The following UBASH3B variants were observed in gnomAD, a reference collection of about 807,000 sequenced individuals.
UBASH3B encodes the protein ubiquitin-associated and SH3 domain-containing protein B.
A neutral mutation model predicts 83.4 loss-of-function variants in UBASH3B; 37 were observed. The ratio of observed to expected loss-of-function variants is 0.44; its 90% confidence interval spans 0.34 to 0.58. The LOEUF is 0.58. Among genes scored for constraint, UBASH3B ranks in the 20% least tolerant of loss-of-function variants. The pLI is 0.01. For missense variants in UBASH3B, 657 were observed against 827.2 expected (o/e 0.79, Z 2.52); for synonymous variants, 304 against 318.3 (o/e 0.96, Z 0.48).
chr11:122,704,105 C>T (rs1401561640), intron 1 of UBASH3B, among the ~76,000 whole-genome samples: 1 of 152,176 alleles, frequency 6.6e-6, no homozygotes, highest in Non-Finnish European at 1.5e-5. Flanking sequence ...CCAAAGGCAG[C>T]AAGTGCTTTA....
intron 1 of UBASH3B, among the ~76,000 whole-genome samples, chr11:122,686,660 C>T (rs1209959129): frequency 6.6e-6 from 1 of 152,012 alleles, no homozygotes; most frequent in Non-Finnish European, 1.5e-5. Flanking sequence ...CGTGTGCAGG[C>T]GTTTGGGAGG....
At chr11:122,723,067 A>G (rs1860669496) in intron 1 of UBASH3B, among the ~76,000 whole-genome samples, 1 of 152,122 alleles carries the variant, frequency 6.6e-6, no homozygotes, top group Non-Finnish European at 1.5e-5. Flanking sequence ...AGAGCTTTAG[A>G]GTTGTGGTTA....
chr11:122,682,165 C>T (rs999516596), intron 1 of UBASH3B, among the ~76,000 whole-genome samples: 1 of 152,216 alleles, frequency 6.6e-6, no homozygotes, highest in African/African-American at 2.4e-5. Flanking sequence ...CCTGCCGACG[C>T]ACCATGAGGC....
Position 122,809,599 on chromosome 11 carries a change from C to T in UBASH3B, c.1813-150C>T, listed in dbSNP as rs1861403104. The T allele has an allele frequency of 9.6e-6, 7 of 725,598 alleles. No individual in the cohort carries two copies. Among genetic ancestry groups the T allele is most frequent in the Non-Finnish European group, 8.9e-6 (4 of 450,996 alleles). 44.9% of individuals were successfully genotyped at this position (725,598 alleles called of 1,614,324 possible). A position where few individuals can be genotyped will look rare whatever the true frequency, so the allele number is the denominator to read the frequency against. ...GTTTTACCCATTTTATTTTATTTAT[C>T]GATTTTTGAAGGGAATGCATTTCTA... On this transcript the variant is annotated intron_variant, in intron 13 of 13. Transcript: ENST00000284273.
At chr11:122,674,575 G>A (rs1379057624) in intron 1 of UBASH3B, among the ~76,000 whole-genome samples, 1 of 151,882 alleles carries the variant, frequency 6.6e-6, no homozygotes, top group Non-Finnish European at 1.5e-5. Context: ...TAGAGACAGG[G>A]TTTCACCATG....
chr11:122,771,606 C>T (rs767338245), intron 1 of UBASH3B, among the ~76,000 whole-genome samples: 21 of 152,158 alleles, frequency 1.4e-4, no homozygotes, highest in Non-Finnish European at 2.6e-4. Flanking sequence ...TAAACTTTCT[C>T]AGCCCACAAC....
chr11:122,727,068 C>G (rs1474436867), intron 1 of UBASH3B, among the ~76,000 whole-genome samples: 1 of 152,134 alleles, frequency 6.6e-6, no homozygotes, highest in Non-Finnish European at 1.5e-5. Flanking sequence ...TTTTTCCTCC[C>G]CTCCAGCTCT....
At chr11:122,788,475 A>C (rs1169488314) in intron 5 of UBASH3B, among the ~76,000 whole-genome samples, 4 of 152,282 alleles carry the variant, frequency 2.6e-5, no homozygotes, top group African/African-American at 9.6e-5. Context: ...AGGCTGAGGC[A>C]AGAGAATCAC....
At chr11:122,713,745 C>CA (rs34816613) in intron 1 of UBASH3B, among the ~76,000 whole-genome samples, 3,931 of 108,894 alleles carry the variant, frequency 0.036, 54 homozygotes, top group Middle Eastern at 0.056. Flanking sequence ...GACTCCATCT[C>CA]AAAAAAAAAA....
intron 1 of UBASH3B, among the ~76,000 whole-genome samples, chr11:122,686,003 CAAAGCAGGTACTGA>C: frequency 6.6e-6 from 1 of 152,304 alleles, no homozygotes; most frequent in South Asian, 2.1e-4. Context: ...CAGGGAGGAG[CAAAGCAGGTACTGA>C]ACCCAGGCCT....
At chr11:122,733,044 C>G (rs1239157831) in intron 1 of UBASH3B, among the ~76,000 whole-genome samples, 1 of 152,190 alleles carries the variant, frequency 6.6e-6, no homozygotes, top group South Asian at 2.1e-4. Context: ...GCAAGGGTCT[C>G]CCCACCCAAC....
intron 1 of UBASH3B, among the ~76,000 whole-genome samples, chr11:122,672,608 G>A (rs1010498887): frequency 1.3e-5 from 2 of 152,168 alleles, no homozygotes; most frequent in African/African-American, 4.8e-5. Context: ...TTACAGGCGT[G>A]AGGCACAGTG....
At chr11:122,662,673 C>T (rs1040086215) in intron 1 of UBASH3B, among the ~76,000 whole-genome samples, 1 of 151,148 alleles carries the variant, frequency 6.6e-6, no homozygotes, top group Non-Finnish European at 1.5e-5. Flanking sequence ...TCAGGTGATC[C>T]GCCCGCCTCG....
At chr11:122,689,664 A>G (rs1477957096) in intron 1 of UBASH3B, among the ~76,000 whole-genome samples, 1 of 152,076 alleles carries the variant, frequency 6.6e-6, no homozygotes, top group Non-Finnish European at 1.5e-5. Context: ...ATAGCCTCAG[A>G]TCCCACAGTG....
At chr11:122,663,219 C>T (rs1282738193) in intron 1 of UBASH3B, among the ~76,000 whole-genome samples, 2 of 152,150 alleles carry the variant, frequency 1.3e-5, no homozygotes, top group Non-Finnish European at 2.9e-5. Context: ...TCAGGCAATC[C>T]GCCTGCTTTG....
At chr11:122,774,095 T>C in intron 1 of UBASH3B, 6 of 985,016 alleles carry the variant, frequency 6.1e-6, no homozygotes, top group Non-Finnish European at 7.2e-6. Context: ...TCTGATTGTC[T>C]AGTAAGTCGT....
intron 1 of UBASH3B, among the ~76,000 whole-genome samples, chr11:122,711,918 C>T (rs563693088): frequency 1.3e-5 from 2 of 152,070 alleles, no homozygotes. Context: ...AAGTTCTCTA[C>T]ACAATAATAC....
chr11:122,708,907 C>T (rs1039573242), intron 1 of UBASH3B, among the ~76,000 whole-genome samples: 3 of 152,164 alleles, frequency 2.0e-5, no homozygotes, highest in Non-Finnish European at 4.4e-5. Flanking sequence ...ATGGTCATTT[C>T]CCATCACCTT....
Position 122,655,979 on chromosome 11 carries a change from G to C in UBASH3B, c.-71G>C, listed in dbSNP as rs916803414. On this transcript the variant is annotated 5_prime_UTR_variant, in exon 1 of 14. Coordinates refer to ENST00000284273, the MANE Select transcript of UBASH3B (RefSeq NM_032873.5). ...TCCCCGAGCCCCCTCCCCTGGCCCA[G>C]CCCGACTCCCTCCTCCTTCCCGAAC... 8.2e-5 allele frequency: 100 copies of C among 1,225,568 alleles called. No individual in the cohort carries two copies. Among genetic ancestry groups the C allele is most frequent in the East Asian group, 2.9e-4 (8 of 27,120 alleles). The allele number at this position is 1,225,568 out of a possible 1,614,324, so 75.9% of individuals were successfully genotyped here.
Sources: allele counts gnomAD v4.1 joint callset (sites outside exome capture counted in the v4.1 genomes callset), GRCh38; gene constraint gnomAD v4.1.1; transcripts MANE v1.5; gene names NCBI Gene and HGNC (gene_info 2026-07-23, HGNC 2026-07-21).